RDH13: variants seen among roughly 807,000 people sequenced by gnomAD.
RDH13 encodes retinol dehydrogenase 13 (all-trans and 9-cis).
A neutral mutation model predicts 28.3 loss-of-function variants in RDH13; 35 were observed. The observed-to-expected ratio is 1.24, with a 90% CI of 0.95 to 1.64. RDH13 has a LOEUF of 1.64. Among genes scored for constraint, RDH13 ranks in the 40% most tolerant of loss-of-function variants. RDH13 has a pLI of 0.00. For synonymous variants in RDH13, 229 were observed against 198.5 expected, an observed-to-expected ratio of 1.15 and a Z score of -1.29; for missense variants, 514 against 446.3, an observed-to-expected ratio of 1.15 and a Z score of -1.37.
At position 55,056,637 on chromosome 19, in the gene RDH13, G is replaced by A. The variant is rs2075642964; in HGVS notation, c.340+16C>T. 1.2e-6 allele frequency: 2 copies of A among 1,613,398 alleles called. No individual in the cohort carries two copies. Among genetic ancestry groups the A allele is most frequent in the Non-Finnish European group, 1.7e-6 (2 of 1,179,684 alleles). On this transcript the variant is annotated intron_variant, in intron 3 of 6. Transcript: ENST00000415061. Reference sequence around the variant, plus strand: ...CCTATCCCAGTCCTCATCCCACATGGCCAGCGTTCTCCTACCTTCAATGAT... The same window carrying A: ...CCTATCCCAGTCCTCATCCCACATGACCAGCGTTCTCCTACCTTCAATGAT...
intron 3 of RDH13, among the ~76,000 whole-genome samples, chr19:55,052,189 C>A (rs1199354001): frequency 6.7e-6 from 1 of 150,086 alleles, no homozygotes. Flanking sequence ...GAGGCCGAGG[C>A]GGGCAGATCA....
chr19:55,041,544 T>A (rs1568668709), downstream of RDH13: 1 of 18,088 alleles, frequency 5.5e-5, no homozygotes. Context: ...GAAAATGGTA[T>A]TATTCTTAGG....
upstream of RDH13, chr19:55,067,836 G>A (rs2075986650): frequency 1.3e-5 from 2 of 152,006 alleles, no homozygotes; most frequent in Admixed American, 1.3e-4. Flanking sequence ...TGGCACTAAA[G>A]CCACTGATTG....
chr19:55,050,923 A>G (rs1407337975), intron 3 of RDH13: 1 of 151,470 alleles, frequency 6.6e-6, no homozygotes, highest in Non-Finnish European at 1.5e-5. Flanking sequence ...CAGGACAGAC[A>G]GGTTCAAAGC....
intron 3 of RDH13, among the ~76,000 whole-genome samples, chr19:55,051,556 G>A (rs1018321937): frequency 3.3e-5 from 5 of 151,292 alleles, no homozygotes; most frequent in African/African-American, 9.7e-5. Context: ...TCAGCCTCCC[G>A]AGTACTGGGA....
At chr19:55,066,932 C>T (rs1050980411), upstream of RDH13, among the ~76,000 whole-genome samples, 5 of 152,148 alleles carry the variant, frequency 3.3e-5, no homozygotes, top group Admixed American at 6.6e-5. Context: ...TTGACAGCCC[C>T]AGCCATCACC....
upstream of RDH13, among the ~76,000 whole-genome samples, chr19:55,064,603 G>GTT (rs1232782360): frequency 3.4e-5 from 5 of 148,162 alleles, no homozygotes; most frequent in East Asian, 2.0e-4. Flanking sequence ...ATTTGTTTTT[G>GTT]TTTGTTTGTT....
chr19:55,064,748 G>T (rs1025855113), upstream of RDH13, among the ~76,000 whole-genome samples: 8 of 149,418 alleles, frequency 5.4e-5, no homozygotes, highest in African/African-American at 2.0e-4. Flanking sequence ...GAGTAGCTGG[G>T]GCTACAGGCA....
intron 1 of RDH13, among the ~76,000 whole-genome samples, chr19:55,069,080 C>T (rs1255128598): frequency 2.7e-5 from 4 of 147,730 alleles, no homozygotes; most frequent in Non-Finnish European, 6.0e-5. Context: ...CACCACCCCC[C>T]GCCCCGACCC....
intron 3 of RDH13, chr19:55,053,896 A>G (rs1457070946): frequency 6.6e-6 from 1 of 151,914 alleles, no homozygotes; most frequent in African/African-American, 2.4e-5. Context: ...ACAGTGCTGT[A>G]CCTGGTACAC....
In RDH13 at chr19:55,056,699, C is replaced by A; in HGVS notation, c.294G>T (p.Leu98Phe). The A allele has an allele frequency of 1.9e-6, 3 of 1,614,058 alleles. No homozygotes were observed. The highest frequency in any genetic ancestry group is 2.5e-6 in the Non-Finnish European group (3 of 1,180,004). ...NHHVNARHLD[L>F]ASLKSIREFA... ...ACTCTCGGATAGACTTGAGGGAAGC[C>A]AAGTCCAGGTGCCGGGCGTTGACAT... is the stretch of plus-strand genomic sequence containing the variant. Residue 98 changes from leucine (L) to phenylalanine (F), a missense_variant, in exon 3 of 7, where the codon TTG (leucine) becomes TTT (phenylalanine). Coordinates refer to ENST00000415061, the MANE Select transcript of RDH13 (RefSeq NM_001145971.2).
intron 3 of RDH13, among the ~76,000 whole-genome samples, chr19:55,053,582 G>A (rs1381588288): frequency 6.6e-6 from 1 of 151,926 alleles, no homozygotes. Context: ...GCATGAACCC[G>A]GGAGGCGGAG....
chr19:55,059,109 A>G (rs775783194), intron 2 of RDH13, 48 bp downstream of exon 2: 9 of 1,225,686 alleles, frequency 7.3e-6, no homozygotes, highest in Non-Finnish European at 1.1e-5. Flanking sequence ...TGCAGTGAGC[A>G]TGGATGTACA....
chr19:55,049,681 C>T (rs1364935884), intron 3 of RDH13, among the ~76,000 whole-genome samples: 1 of 151,540 alleles, frequency 6.6e-6, no homozygotes, highest in Non-Finnish European at 1.5e-5. Flanking sequence ...CCCAGCTACT[C>T]AGGAGGCTGA....
At chr19:55,058,616 G>A (rs1390446687) in intron 2 of RDH13, among the ~76,000 whole-genome samples, 1 of 151,966 alleles carries the variant, frequency 6.6e-6, no homozygotes, top group Admixed American at 6.6e-5. Context: ...CTCTTCTGTC[G>A]ACTGGCTTAT....
chr19:55,052,681 A>G (rs2075488284), intron 3 of RDH13, among the ~76,000 whole-genome samples: 1 of 144,690 alleles, frequency 6.9e-6, no homozygotes, highest in African/African-American at 2.6e-5. Context: ...TTTTTTTTTG[A>G]GATGGAGTCT....
At chr19:55,064,859 T>C (rs1457830433), upstream of RDH13, among the ~76,000 whole-genome samples, 420 of 149,206 alleles carry the variant, frequency 2.8e-3, 1 homozygote, top group African/African-American at 9.4e-3. Flanking sequence ...GTGATCCACC[T>C]GCCTCGGCCA....
chr19:55,040,263 A>T (rs909990009), downstream of RDH13: 1 of 152,674 alleles, frequency 6.5e-6, no homozygotes, highest in Non-Finnish European at 1.5e-5. Flanking sequence ...GGTTCAAGCG[A>T]TTCTCCTGCC....
At chr19:55,049,245 A>C (rs1279496573) in intron 3 of RDH13, among the ~76,000 whole-genome samples, 2 of 152,016 alleles carry the variant, frequency 1.3e-5, no homozygotes, top group East Asian at 1.9e-4. Context: ...CCTCCATCTA[A>C]GCCTTGGGAC....
Sources: gnomAD v4.1 joint callset for allele counts (sites outside exome capture counted in the v4.1 genomes callset) on GRCh38, gnomAD v4.1.1 for gene constraint, MANE v1.5 for transcripts, NCBI Gene and HGNC (gene_info 2026-07-23, HGNC 2026-07-21) for gene names.